Variants in TSPAN11 observed in about 807,000 individuals in gnomAD.
The protein encoded by TSPAN11 is tetraspanin-11.
Under a neutral mutation model 32.9 loss-of-function variants are expected in TSPAN11, and 29 were observed. The observed-to-expected ratio is 0.88, with a 90% confidence interval of 0.66 to 1.20. The LOEUF (loss-of-function observed/expected upper bound fraction) is 1.20. Among genes scored for constraint, TSPAN11 ranks in the 50% most tolerant of loss-of-function variants. The pLI is 0.00. For synonymous variants in TSPAN11, 140 were observed against 141.3 expected (o/e 0.99, Z 0.07); for missense variants, 283 against 329.1 (o/e 0.86, Z 1.08).
At chr12:30,998,654 G>A (rs1214084455), downstream of TSPAN11, among the ~76,000 whole-genome samples, 2 of 152,102 alleles carry the variant, frequency 1.3e-5, no homozygotes, top group Admixed American at 6.5e-5. Context: ...TGGGAATCCA[G>A]CCCTTTCCAT....
At chr12:30,982,941 G>T (rs1217029035) in intron 6 of TSPAN11, 123 bp from the exon 7 acceptor site, 3 of 1,191,194 alleles carry the variant, frequency 2.5e-6, no homozygotes, top group African/African-American at 3.0e-5. Flanking sequence ...GCAATTCAAG[G>T]TTGGGTCCAG....
At chr12:30,981,208 A>G (rs35092) in intron 5 of TSPAN11, among the ~76,000 whole-genome samples, 144,369 of 152,242 alleles carry the variant, frequency 0.95, 68,520 homozygotes, top group East Asian at 0.96. Flanking sequence ...CCCAGGCCAC[A>G]TCTCAGGCAG....
chr12:30,963,263 A>G (rs1283135076), intron 2 of TSPAN11, among the ~76,000 whole-genome samples: 1 of 152,162 alleles, frequency 6.6e-6, no homozygotes, highest in African/African-American at 2.4e-5. Flanking sequence ...GCCCCCAACT[A>G]CAGGCAGGAC....
chr12:31,006,547 C>G, the TSPAN11 span, among the ~76,000 whole-genome samples: 2 of 152,248 alleles, frequency 1.3e-5, no homozygotes, highest in Non-Finnish European at 2.9e-5. Context: ...AGACTGGGGC[C>G]TCACCCTTGG....
At chr12:31,009,460 C>T in the TSPAN11 span, among the ~76,000 whole-genome samples, 1 of 152,296 alleles carries the variant, frequency 6.6e-6, no homozygotes, top group South Asian at 2.1e-4. Context: ...TGTGCAGTGT[C>T]CTAGCATCAA....
chr12:30,960,651 G>A (rs1281571266), intron 2 of TSPAN11, among the ~76,000 whole-genome samples: 8 of 152,104 alleles, frequency 5.3e-5, no homozygotes, highest in African/African-American at 1.5e-4. Context: ...GGGGTGACCT[G>A]CTCCGCCCCT....
chr12:30,991,386 C>G (rs1375126936), intron 7 of TSPAN11, among the ~76,000 whole-genome samples: 1 of 152,196 alleles, frequency 6.6e-6, no homozygotes, highest in Non-Finnish European at 1.5e-5. Flanking sequence ...CAGGCAGACT[C>G]TTTCCTAGAG....
rs1189613080 is a variant in TSPAN11, at chr12:30,975,995, G to A, written c.277-2566G>A. ...TGGAGCAGGCAGGAAGGGCACGCAT[G>A]TCAGAAAGGAGCCGCAGGGCCCAGC... is the stretch of plus-strand genomic sequence containing the variant. On this transcript the variant is annotated intron_variant, in intron 3 of 7. Transcript: ENST00000546076. This position sits in a 1 kb window ranked among gnomAD's most constrained non-coding sequence, Gnocchi z 4.5. 6.6e-6 allele frequency among the ~76,000 whole-genome samples: 1 copy of A among 152,198 alleles called. No individual in the cohort carries two copies. Among genetic ancestry groups the A allele is most frequent in the Non-Finnish European group, 1.5e-5 (1 of 68,012 alleles).
intron 3 of TSPAN11, among the ~76,000 whole-genome samples, chr12:30,974,164 C>T (rs75279018): frequency 0.045 from 6,854 of 152,304 alleles, 321 homozygotes; most frequent in East Asian, 0.26. Flanking sequence ...TCCAGCTCTT[C>T]GGGAGCTAGG....
intron 2 of TSPAN11, among the ~76,000 whole-genome samples, chr12:30,963,255 C>T (rs1938650416): frequency 6.6e-6 from 1 of 152,204 alleles, no homozygotes; most frequent in Non-Finnish European, 1.5e-5. Flanking sequence ...CTAACCCTGC[C>T]CCCAACTACA....
chr12:30,987,231 G>A lies in TSPAN11; in HGVS notation c.702+4081G>A, dbSNP rs79343793. Among the ~76,000 whole-genome samples the A allele has an allele frequency of 6.9e-3, 1,055 of 152,274 alleles. 3 individuals carry two copies. The highest frequency in any genetic ancestry group is 0.012 in the Non-Finnish European group (795 of 68,020). Reference sequence around the variant, plus strand: ...TCATGGAGAGAGTCAGGGTGTGGGAGGTGCCAGCTCAGGCCACCCTCCAGG... The same window carrying A: ...TCATGGAGAGAGTCAGGGTGTGGGAAGTGCCAGCTCAGGCCACCCTCCAGG... On this transcript the variant is annotated intron_variant, in intron 7 of 7. Coordinates refer to ENST00000546076, the MANE Select transcript of TSPAN11 (RefSeq NM_001370302.1).
intron 1 of TSPAN11, among the ~76,000 whole-genome samples, chr12:30,949,123 G>T (rs915443012): frequency 6.6e-6 from 1 of 152,112 alleles, no homozygotes; most frequent in Non-Finnish European, 1.5e-5. Context: ...GGACCTTATT[G>T]TTCATATCAC....
intron 3 of TSPAN11, among the ~76,000 whole-genome samples, chr12:30,971,145 T>C (rs1938842624): frequency 6.6e-6 from 1 of 152,128 alleles, no homozygotes; most frequent in Admixed American, 6.6e-5. Context: ...CTGCCTCTCA[T>C]CCCAACCTGC....
chr12:30,931,675 T>A (rs530122736), intron 1 of TSPAN11, among the ~76,000 whole-genome samples: 1 of 149,328 alleles, frequency 6.7e-6, no homozygotes, highest in Admixed American at 6.6e-5. Flanking sequence ...AGGTCAGGAG[T>A]TCAAGACCAG....
At chr12:31,005,506 C>T in the TSPAN11 span, among the ~76,000 whole-genome samples, 3 of 152,182 alleles carry the variant, frequency 2.0e-5, no homozygotes, top group South Asian at 6.2e-4. Flanking sequence ...CCAGAGCACA[C>T]CCCAGCCCAC....
intron 3 of TSPAN11, among the ~76,000 whole-genome samples, chr12:30,969,807 G>A (rs146977117): frequency 1.1e-4 from 17 of 152,352 alleles, no homozygotes; most frequent in African/African-American, 4.1e-4. Context: ...AAGGCAGGGT[G>A]AGAAGGGGAG....
At chr12:31,007,393 G>T in the TSPAN11 span, among the ~76,000 whole-genome samples, 1 of 151,798 alleles carries the variant, frequency 6.6e-6, no homozygotes, top group Admixed American at 6.6e-5. Context: ...AGAAACCCCA[G>T]GGCCCCCAAA....
rs34029759 is a variant in TSPAN11 at position 30,966,021 on chromosome 12, ATT to A, written c.276+2017_276+2018del. 0.035 allele frequency among the ~76,000 whole-genome samples: 5,064 copies of A among 146,032 alleles called. 507 individuals are homozygous for A. In the East Asian group the frequency reaches 0.38, roughly 11 times the overall value. The stretch of plus-strand genomic sequence containing the variant: ...AAAACATTATGAGATTTTTTTTGTG[ATT>A]TTTTTTTTTTTTAGCTGATCAGCTG... On this transcript the variant is annotated intron_variant, in intron 3 of 7. Transcript: ENST00000546076.
chr12:30,961,207 T>C (rs1248600757), intron 2 of TSPAN11, among the ~76,000 whole-genome samples: 1 of 151,884 alleles, frequency 6.6e-6, no homozygotes, highest in African/African-American at 2.4e-5. Flanking sequence ...TGCTTTCTGC[T>C]GACTTAGGCA....
Sources: gnomAD v4.1 joint callset for allele counts (sites outside exome capture counted in the v4.1 genomes callset) on GRCh38, gnomAD v4.1.1 for gene constraint, Gnocchi (gnomAD v3.1) non-coding constraint, MANE v1.5 for transcripts, NCBI Gene and HGNC (gene_info 2026-07-23, HGNC 2026-07-21) for gene names.